The following PCDHA9 variants were observed in gnomAD, a reference collection of about 807,000 sequenced individuals.
The protein encoded by PCDHA9 is protocadherin alpha 9, also known as protocadherin alpha-9.
PCDHA9 carries 62 observed loss-of-function variants against 62.0 expected under a neutral mutation model. The ratio of observed to expected loss-of-function variants is 1.00; its 90% CI spans 0.81 to 1.23. The LOEUF is 1.23. Ranked by LOEUF, PCDHA9 falls within the 50% of genes most tolerant of loss-of-function variation. The pLI, the probability that PCDHA9 is intolerant of heterozygous loss-of-function variation, is 0.00. For missense variants in PCDHA9, 1,205 were observed against 1,249.8 expected (o/e 0.96, Z 0.54); for synonymous variants, 557 against 567.6 (o/e 0.98, Z 0.27).
At chr5:140,877,487 A>C (rs1293347310) in intron 1 of PCDHA9, 1 of 1,613,704 alleles carries the variant, frequency 6.2e-7, no homozygotes, top group African/African-American at 1.3e-5. Context: ...CTGGTGGAGA[A>C]CGGCCAGGCC....
At chr5:140,956,953 C>T (rs1347983778) in intron 1 of PCDHA9, among the ~76,000 whole-genome samples, 1 of 135,202 alleles carries the variant, frequency 7.4e-6, no homozygotes, top group Non-Finnish European at 1.7e-5. Flanking sequence ...CATTAAAACA[C>T]TGTAATTAAT....
At chr5:140,890,374 A>G (rs1045149611) in intron 1 of PCDHA9, among the ~76,000 whole-genome samples, 1 of 152,000 alleles carries the variant, frequency 6.6e-6, no homozygotes, top group South Asian at 2.1e-4. Context: ...CTGAACAAGT[A>G]CTCTTTCTTA....
At chr5:140,922,837 C>T (rs1280492516) in intron 1 of PCDHA9, among the ~76,000 whole-genome samples, 2 of 152,134 alleles carry the variant, frequency 1.3e-5, no homozygotes, top group Non-Finnish European at 2.9e-5. Flanking sequence ...AATAGATGTC[C>T]TCAAAGAGAC....
chr5:140,995,956 G>A (rs1480673532), intron 3 of PCDHA9, among the ~76,000 whole-genome samples: 1 of 152,214 alleles, frequency 6.6e-6, no homozygotes, highest in African/African-American at 2.4e-5. Flanking sequence ...CACGCAAAAT[G>A]CTTAGAACCA....
At chr5:140,871,451 A>T in intron 1 of PCDHA9, 1 of 1,608,630 alleles carries the variant, frequency 6.2e-7, no homozygotes, top group Non-Finnish European at 8.5e-7. Context: ...AATAAAGAGG[A>T]GGAAGGGGAA....
At chr5:140,857,791 G>T in intron 1 of PCDHA9, 1 of 1,597,714 alleles carries the variant, frequency 6.3e-7, no homozygotes, top group Non-Finnish European at 8.6e-7. Context: ...AGCTGGTGCT[G>T]CGGTCGGTGG....
chr5:140,874,487 G>T (rs1194886650), intron 1 of PCDHA9, among the ~76,000 whole-genome samples: 11 of 152,214 alleles, frequency 7.2e-5, no homozygotes, highest in African/African-American at 2.2e-4. Flanking sequence ...GCAAAAGGTT[G>T]ATATCAAGTT....
intron 1 of PCDHA9, chr5:140,870,482 C>A (rs1298357431): frequency 6.2e-7 from 1 of 1,614,126 alleles, no homozygotes; most frequent in Non-Finnish European, 8.5e-7. Flanking sequence ...CCCGAGTACA[C>A]CGTGTTCGTG....
At chr5:140,863,278 G>A (rs1554158055) in intron 1 of PCDHA9, 3 of 1,461,976 alleles carry the variant, frequency 2.1e-6, no homozygotes, top group South Asian at 1.1e-5. Flanking sequence ...GCTGGTGGAT[G>A]TCAACGTGTA....
In PCDHA9 at chr5:140,855,793, CAT is replaced by C. The variant is rs1336692257; in HGVS notation, c.2394+4907_2394+4908del. On this transcript the variant is annotated intron_variant, in intron 1 of 3. Coordinates refer to ENST00000532602, the MANE Select transcript of PCDHA9 (RefSeq NM_031857.2). ...TAAAAATACGTAAAAAAAGAATTAA[CAT>C]ATGAATGAAAGAAAAGTTGTGAACT... 3.6e-4 allele frequency: 165 copies of C among 456,916 alleles called. 2 individuals are homozygous for C. The East Asian group carries it at 4.8e-3, about 13-fold the overall frequency. The allele number at this position is 456,916 out of a possible 1,614,324, so 28.3% of individuals were successfully genotyped here.
At chr5:140,870,900 C>T in intron 1 of PCDHA9, 1 of 1,613,956 alleles carries the variant, frequency 6.2e-7, no homozygotes, top group Non-Finnish European at 8.5e-7. Flanking sequence ...TGGATGCGGA[C>T]TCAGGCTACA....
At chr5:140,914,360 T>C (rs782101976) in intron 1 of PCDHA9, among the ~76,000 whole-genome samples, 10 of 152,218 alleles carry the variant, frequency 6.6e-5, no homozygotes, top group Non-Finnish European at 1.5e-4. Context: ...GTTTTTGTCT[T>C]GAGATCTATT....
At chr5:140,922,016 AT>A (rs1213488839) in intron 1 of PCDHA9, among the ~76,000 whole-genome samples, 20 of 152,076 alleles carry the variant, frequency 1.3e-4, no homozygotes, top group Admixed American at 1.2e-3. Flanking sequence ...GTTTAAAAAA[AT>A]AAATATAAAA....
intron 3 of PCDHA9, among the ~76,000 whole-genome samples, chr5:140,987,130 C>G (rs1220504537): frequency 6.6e-6 from 1 of 151,648 alleles, no homozygotes; most frequent in East Asian, 1.9e-4. Context: ...AGGAGAATTG[C>G]TTGAACTCGG....
At chr5:140,981,332 G>A (rs1407839547) in intron 2 of PCDHA9, among the ~76,000 whole-genome samples, 1 of 152,182 alleles carries the variant, frequency 6.6e-6, no homozygotes, top group Non-Finnish European at 1.5e-5. Context: ...CCAGCACTTT[G>A]GGAGGGTGAG....
intron 1 of PCDHA9, chr5:140,857,472 C>A: frequency 6.3e-7 from 1 of 1,598,636 alleles, no homozygotes; most frequent in Non-Finnish European, 8.6e-7. Flanking sequence ...CACATCTTCA[C>A]GGTGTCTGCG....
chr5:140,939,729 G>A (rs1376988004), intron 1 of PCDHA9, among the ~76,000 whole-genome samples: 16 of 152,166 alleles, frequency 1.1e-4, no homozygotes, highest in Admixed American at 1.0e-3. Context: ...ATTGTTGTGT[G>A]TAGCTGTGTA....
Position 140,855,858 on chromosome 5 carries a change from G to A in PCDHA9, c.2394+4969G>A, listed in dbSNP as rs1203638572. 5 of 715,820 alleles carry A rather than the reference G, an allele frequency of 7.0e-6. 1 individual carries two copies. Among genetic ancestry groups the A allele is most frequent in the Non-Finnish European group, 1.1e-5 (5 of 445,056 alleles). The allele number at this position is 715,820 out of a possible 1,614,324, so 44.3% of individuals were successfully genotyped here. A position where few individuals can be genotyped will look rare whatever the true frequency, so the allele number is the denominator to read the frequency against. On this transcript the variant is annotated intron_variant, in intron 1 of 3. Coordinates refer to ENST00000532602, the MANE Select transcript of PCDHA9 (RefSeq NM_031857.2). ...CTTACACCTAAAGCCACCGGATGTC[G>A]CTGTCGTCCACAAAATAGCTTTTTA...
chr5:140,999,304 C>G (rs1587831145), intron 3 of PCDHA9, among the ~76,000 whole-genome samples: 2 of 152,190 alleles, frequency 1.3e-5, no homozygotes, highest in East Asian at 3.8e-4. Flanking sequence ...TTCAGAATTT[C>G]TTCATGACAG....
Sources: allele counts gnomAD v4.1 joint callset (sites outside exome capture counted in the v4.1 genomes callset), GRCh38; gene constraint gnomAD v4.1.1; transcripts MANE v1.5; gene names NCBI Gene and HGNC (gene_info 2026-07-23, HGNC 2026-07-21).